KCP: variants seen among roughly 807,000 people sequenced by gnomAD.
The protein encoded by KCP is kielin cysteine rich BMP regulator.
Under a neutral mutation model 212.7 loss-of-function variants are expected in KCP, and 194 were observed. The observed-to-expected ratio is 0.91, with a 90% CI of 0.81 to 1.03. The LOEUF (loss-of-function observed/expected upper bound fraction) is 1.03. Ranked by LOEUF, KCP falls within the 50% of genes least tolerant of loss-of-function variation. The pLI, the probability that KCP is intolerant of heterozygous loss-of-function variation, is 0.00. For synonymous variants in KCP, 833 were observed against 865.3 expected (o/e 0.96, Z 0.65); for missense variants, 2,080 against 2,162.5 (o/e 0.96, Z 0.76).
In KCP at chr7:128,884,138, A is replaced by G. The variant is rs1350240765; in HGVS notation, c.3124-16T>C. ...CAGGCTGTGGCTACAAGAATGAGTG[A>G]GCAGCGGTGGGTCCTGGGCCACAAA... On this transcript the variant is annotated splice_polypyrimidine_tract_variant and intron_variant, in intron 28 of 39. Coordinates refer to ENST00000610776, the MANE Select transcript of KCP (RefSeq NM_001366122.1). 3.2e-6 allele frequency: 5 copies of G among 1,539,642 alleles called. No individual in the cohort carries two copies. In the South Asian group the frequency reaches 4.8e-5, roughly 15 times the overall value.
Position 128,889,055 on chromosome 7 carries a change from C to T in KCP, c.2336-16G>A. On this transcript the variant is annotated splice_polypyrimidine_tract_variant and intron_variant, in intron 21 of 39. Transcript: ENST00000610776. ...TACTCACAGCCTTTCAGAGAAGAGACAGAGAGGCCGAGGGGAGGGACAGAA... is the reference window on the plus strand; with the variant it reads ...TACTCACAGCCTTTCAGAGAAGAGATAGAGAGGCCGAGGGGAGGGACAGAA... 1 of 1,478,578 alleles carries T rather than the reference C, an allele frequency of 6.8e-7. No homozygotes were observed. The highest frequency in any genetic ancestry group is 9.0e-7 in the Non-Finnish European group (1 of 1,108,796). 91.6% of individuals were successfully genotyped at this position (1,478,578 alleles called of 1,614,324 possible).
chr7:128,889,273 A>T (rs1793938000), intron 21 of KCP, among the ~76,000 whole-genome samples: 1 of 152,168 alleles, frequency 6.6e-6, no homozygotes, highest in Non-Finnish European at 1.5e-5. Flanking sequence ...CTTCCTGTTT[A>T]ATTTGTAGAA....
At chr7:128,881,892 A>C in intron 30 of KCP, 45 bp downstream of exon 30, 1 of 1,520,780 alleles carries the variant, frequency 6.6e-7, no homozygotes, top group Non-Finnish European at 8.9e-7. Context: ...CCCACAGAGA[A>C]GGAAGAAGAG....
chr7:128,880,422 G>A lies in KCP; in HGVS notation c.3723C>T (p.Cys1241=). The change falls in exon 34 of 40, where the codon TGC becomes TGT. Residue 1241 remains cysteine, a synonymous_variant. Transcript: ENST00000610776. ...SCSCMAGTVR[C]QSQRCSPLSC... ...AGAGCGGTGAGCAGCGCTGGCTCTGGCAACGCACGGTGCCCGCCATGCAGG... is the reference window on the plus strand; with the variant it reads ...AGAGCGGTGAGCAGCGCTGGCTCTGACAACGCACGGTGCCCGCCATGCAGG... The A allele has an allele frequency of 6.5e-7, 1 of 1,545,344 alleles. No homozygotes were observed. Among genetic ancestry groups the A allele is most frequent in the Non-Finnish European group, 8.7e-7 (1 of 1,143,684 alleles).
At chr7:128,899,359 T>C (rs59216388) in intron 8 of KCP, among the ~76,000 whole-genome samples, 2,732 of 152,274 alleles carry the variant, frequency 0.018, 81 homozygotes, top group African/African-American at 0.06. Context: ...TAAAAGGTGG[T>C]TTTATAACCA....
chr7:128,910,665 G>T lies in KCP; in HGVS notation c.12C>A (p.Val4=). The T allele has an allele frequency of 6.6e-7, 1 of 1,506,496 alleles. No individual in the cohort carries two copies. Among genetic ancestry groups the T allele is most frequent in the Non-Finnish European group, 8.8e-7 (1 of 1,134,758 alleles). 93.3% of individuals were successfully genotyped at this position (1,506,496 alleles called of 1,614,324 possible). A position where few individuals can be genotyped will look rare whatever the true frequency, so the allele number is the denominator to read the frequency against. Reference sequence around the variant, plus strand: ...GGAGAAGGGACAGCGCAGCGGCCCCGACCCCGGCCATGCTAGCTCCGCCTC... The same window carrying T: ...GGAGAAGGGACAGCGCAGCGGCCCCTACCCCGGCCATGCTAGCTCCGCCTC... The part of the protein sequence containing the change: MAG[V]GAAALSLLLH... The change falls in exon 1 of 40, where the codon GTC becomes GTA. Residue 4 remains valine (V), a synonymous_variant. Transcript: ENST00000610776.
Position 128,879,521 on chromosome 7 carries a change from C to G in KCP, c.4146+1G>C, listed in dbSNP as rs896489948. The G allele has an allele frequency of 1.3e-6, 2 of 1,548,746 alleles. No individual in the cohort carries two copies. The highest frequency in any genetic ancestry group is 4.9e-5 in the East Asian group (2 of 40,882). ...CACCCAGACTCGCCCTGGAGCCGCA[C>G]CTGGAGCCCGGGCTGGGCGTGCAGG... is the stretch of plus-strand genomic sequence containing the variant. On this transcript the variant is annotated splice_donor_variant, in intron 37 of 39. Coordinates refer to ENST00000610776, the MANE Select transcript of KCP (RefSeq NM_001366122.1). LOFTEE classifies it high-confidence loss of function.
intron 22 of KCP, 105 bp downstream of exon 22, chr7:128,888,758 T>C (rs1350472143): frequency 3.6e-6 from 4 of 1,100,042 alleles, no homozygotes; most frequent in African/African-American, 1.6e-5. Context: ...GAGAAAAGTA[T>C]GGTGGAGCGG....
At chr7:128,889,091 G>A (rs1793924275) in intron 21 of KCP, 52 bp from the exon 22 acceptor site, 2 of 1,385,492 alleles carry the variant, frequency 1.4e-6, no homozygotes, top group African/African-American at 2.9e-5. Context: ...AGGGATGAGA[G>A]GGCAGTGGTC....
intron 37 of KCP, chr7:128,879,246 C>T (rs575203817): frequency 2.1e-6 from 1 of 482,022 alleles, no homozygotes; most frequent in Non-Finnish European, 3.7e-6. Flanking sequence ...TCCCATTCCC[C>T]ACTTTACAGA....
intron 28 of KCP, 68 bp from the exon 29 acceptor site, chr7:128,884,190 T>C: frequency 6.7e-7 from 1 of 1,490,886 alleles, no homozygotes; most frequent in Admixed American, 2.6e-5. Context: ...TGGCCGGGAC[T>C]TCCGGCCCCT....
rs981255075 is a variant in KCP at position 128,880,209 on chromosome 7, C to T, written c.3760-124G>A. On this transcript the variant is annotated intron_variant, in intron 34 of 39. Coordinates refer to ENST00000610776, the MANE Select transcript of KCP (RefSeq NM_001366122.1). ...GATCTCCAGGACTCTGGCTCCCAGG[C>T]TCCCTGTGAGTGAGGTCAGGGCACC... 6.1e-6 allele frequency: 8 copies of T among 1,300,860 alleles called. 1 individual carries two copies. In the East Asian group the frequency reaches 1.5e-4, roughly 25 times the overall value. The allele number at this position is 1,300,860 out of a possible 1,614,324, so 80.6% of individuals were successfully genotyped here.
chr7:128,888,988 G>C lies in KCP; in HGVS notation c.2387C>G (p.Pro796Arg). 1 of 1,539,706 alleles carries C rather than the reference G, an allele frequency of 6.5e-7. No individual in the cohort carries two copies. Among genetic ancestry groups the C allele is most frequent in the Non-Finnish European group, 8.8e-7 (1 of 1,140,384 alleles). The change falls in exon 22 of 40, where the codon CCC becomes CGC. Residue 796 changes from proline to arginine, a missense_variant. Physicochemically the swap from Pro to Arg is moderately radical, Grantham distance 103. Coordinates refer to ENST00000610776, the MANE Select transcript of KCP (RefSeq NM_001366122.1). Reference sequence around the variant, plus strand: ...GGTACACAGGTTGCAGGGTTCTCGGGGGTCTGGGAACTCCTGGTTACTCAG... The same window carrying C: ...GGTACACAGGTTGCAGGGTTCTCGGCGGTCTGGGAACTCCTGGTTACTCAG... ...SYLSNQEFPD[P>R]REPCNLCTCL...
Position 128,890,892 on chromosome 7 carries a change from G to T in KCP, c.2164+13C>A, listed in dbSNP as rs1794073309. 1 of 1,250,486 alleles carries T rather than the reference G, an allele frequency of 8.0e-7. No homozygotes were observed. 77.5% of individuals were successfully genotyped at this position (1,250,486 alleles called of 1,614,324 possible). On this transcript the variant is annotated intron_variant, in intron 20 of 39. Transcript: ENST00000610776. ...GACGCGGGTGGCCGGGAGGGGCACC[G>T]CCAGGGCGTTACCGTCGCAGGAGGG... is the stretch of plus-strand genomic sequence containing the variant.
intron 29 of KCP, among the ~76,000 whole-genome samples, chr7:128,883,399 A>C (rs1793448618): frequency 6.6e-6 from 1 of 152,036 alleles, no homozygotes; most frequent in Non-Finnish European, 1.5e-5. Context: ...TGGCCTCCCA[A>C]AGTGCTGGGA....
chr7:128,888,021 C>CCACA (rs764393627), intron 22 of KCP, among the ~76,000 whole-genome samples: 3 of 131,500 alleles, frequency 2.3e-5, no homozygotes, highest in African/African-American at 9.4e-5. Flanking sequence ...CCACACACAG[C>CCACA]CACACACACA....
chr7:128,887,130 C>G (rs1793702601), intron 23 of KCP, 85 bp downstream of exon 23: 3 of 1,265,962 alleles, frequency 2.4e-6, no homozygotes, highest in Non-Finnish European at 3.4e-6. Flanking sequence ...CCCTTGCCAC[C>G]TGAGTGGAGG....
chr7:128,890,899 C>T lies in KCP; in HGVS notation c.2164+6G>A, dbSNP rs552300865. On this transcript the variant is annotated splice_donor_region_variant and intron_variant, in intron 20 of 39. Transcript: ENST00000610776. ...GTGGCCGGGAGGGGCACCGCCAGGG[C>T]GTTACCGTCGCAGGAGGGGCAGCAA... 1.5e-3 allele frequency: 1,903 copies of T among 1,248,182 alleles called. 1 individual carries two copies. The highest frequency in any genetic ancestry group is 1.8e-3 in the Non-Finnish European group (1,776 of 1,001,274). 77.3% of individuals were successfully genotyped at this position (1,248,182 alleles called of 1,614,324 possible).
rs1291303618 is a variant in KCP, at chr7:128,893,331, G to A, written c.1186-12C>T. ...GAGACCTCGCCAGCCTAGGAGGGAAGCAGGTGAGACACCCTGAAGGAATGA... is the reference window on the plus strand; with the variant it reads ...GAGACCTCGCCAGCCTAGGAGGGAAACAGGTGAGACACCCTGAAGGAATGA... On this transcript the variant is annotated splice_polypyrimidine_tract_variant and intron_variant, in intron 12 of 39. Coordinates refer to ENST00000610776, the MANE Select transcript of KCP (RefSeq NM_001366122.1). 1.3e-6 allele frequency: 2 copies of A among 1,551,446 alleles called. No homozygotes were observed. The highest frequency in any genetic ancestry group is 1.7e-6 in the Non-Finnish European group (2 of 1,146,884).
Sources: allele counts gnomAD v4.1 joint callset (sites outside exome capture counted in the v4.1 genomes callset), GRCh38; gene constraint gnomAD v4.1.1; transcripts MANE v1.5; gene names NCBI Gene and HGNC (gene_info 2026-07-23, HGNC 2026-07-21).